Variants in NEGR1 observed in about 807,000 individuals in gnomAD.
NEGR1 encodes the protein IgLON family member 4.
NEGR1 carries 10 observed loss-of-function variants against 40.9 expected under a neutral mutation model. The observed-to-expected ratio is 0.24, with a 90% CI of 0.15 to 0.42. The LOEUF is 0.42. Among genes scored for constraint, NEGR1 ranks in the 10% least tolerant of loss-of-function variants. NEGR1 has a pLI of 1.00. For missense variants in NEGR1, 352 were observed against 438.9 expected, an observed-to-expected ratio of 0.80 and a Z score of 1.77; for synonymous variants, 185 against 166.8, an observed-to-expected ratio of 1.11 and a Z score of -0.84.
chr1:71,691,444 T>C (rs1488045245), intron 4 of NEGR1, among the ~76,000 whole-genome samples: 11 of 151,866 alleles, frequency 7.2e-5, no homozygotes, highest in Admixed American at 5.9e-4. Context: ...TTTTAGGAAG[T>C]TTCCTTCATA....
chr1:72,071,785 C>T (rs1183032359), intron 1 of NEGR1, among the ~76,000 whole-genome samples: 1 of 152,018 alleles, frequency 6.6e-6, no homozygotes. Flanking sequence ...AAACCCTAAC[C>T]TTTTTTCTAT....
chr1:71,981,766 T>C (rs1288953502), intron 1 of NEGR1, among the ~76,000 whole-genome samples: 1 of 152,102 alleles, frequency 6.6e-6, no homozygotes. Flanking sequence ...GCCCCAGCCT[T>C]ACCAGTAACT....
rs12076834 is a variant in NEGR1, at chr1:72,041,825, C to T, written c.177-106514G>A. Among the ~76,000 whole-genome samples the T allele has an allele frequency of 5.3e-3, 763 of 144,302 alleles. 5 individuals carry two copies. The highest frequency in any genetic ancestry group is 0.018 in the African/African-American group (726 of 39,610). The allele number at this position is 144,302 out of a possible 152,430, so 94.7% of individuals were successfully genotyped here. A position where few individuals can be genotyped will look rare whatever the true frequency, so the allele number is the denominator to read the frequency against. ...ATATATATGTAATATTTAAAATATA[C>T]ATTATATATATTTTATATATATTAT... On this transcript the variant is annotated intron_variant, in intron 1 of 6. Transcript: ENST00000357731.
At chr1:72,006,865 C>T (rs1646612067) in intron 1 of NEGR1, among the ~76,000 whole-genome samples, 1 of 152,146 alleles carries the variant, frequency 6.6e-6, no homozygotes, top group Non-Finnish European at 1.5e-5. Context: ...TTACCTTTCT[C>T]ACAGAGCACA....
intron 1 of NEGR1, among the ~76,000 whole-genome samples, chr1:72,163,102 G>C (rs1240211185): frequency 6.6e-6 from 1 of 152,006 alleles, no homozygotes; most frequent in Non-Finnish European, 1.5e-5. Flanking sequence ...TCTTGGAAAA[G>C]GGATTATAAA....
At chr1:71,569,786 G>A (rs1648750947) in intron 6 of NEGR1, among the ~76,000 whole-genome samples, 1 of 152,130 alleles carries the variant, frequency 6.6e-6, no homozygotes, top group Admixed American at 6.5e-5. Flanking sequence ...AAGTCATTGA[G>A]GGATTCTCTT....
At chr1:72,013,884 T>C (rs1390266722) in intron 1 of NEGR1, among the ~76,000 whole-genome samples, 1 of 143,708 alleles carries the variant, frequency 7.0e-6, no homozygotes. Flanking sequence ...GTATGATTAA[T>C]AGGTAGGTGT....
chr1:72,064,403 C>T (rs939232740), intron 1 of NEGR1, among the ~76,000 whole-genome samples: 3 of 151,968 alleles, frequency 2.0e-5, no homozygotes, highest in African/African-American at 7.2e-5. Flanking sequence ...TTTGTTAGTG[C>T]ACCAATAACT....
intron 3 of NEGR1, among the ~76,000 whole-genome samples, chr1:71,715,266 A>T (rs563515115): frequency 6.6e-6 from 1 of 152,238 alleles, no homozygotes; most frequent in Non-Finnish European, 1.5e-5. Flanking sequence ...AACCCAGGAA[A>T]TCCTTCTTTT....
Position 71,953,341 on chromosome 1 carries a change from CTAGA to C in NEGR1, c.177-18034_177-18031del, listed in dbSNP as rs1391842749. On this transcript the variant is annotated intron_variant, in intron 1 of 6. Transcript: ENST00000357731. The stretch of plus-strand genomic sequence containing the variant: ...GGTGGAAATAGTAAGACAACTATAA[CTAGA>C]AGTGGAGCCTGAAGATGTGCCTGAA... Among the ~76,000 whole-genome samples, 724 of 151,938 alleles carry C rather than the reference CTAGA, an allele frequency of 4.8e-3. 6 individuals are homozygous for C. Among genetic ancestry groups the C allele is most frequent in the African/African-American group, 0.016 (660 of 41,496 alleles).
At chr1:72,218,296 T>C (rs1187133212) in intron 1 of NEGR1, among the ~76,000 whole-genome samples, 1 of 151,922 alleles carries the variant, frequency 6.6e-6, no homozygotes, top group Non-Finnish European at 1.5e-5. Context: ...GGGTCTAAAA[T>C]TAAGTTCCAA....
intron 1 of NEGR1, among the ~76,000 whole-genome samples, chr1:72,039,962 G>A (rs890352862): frequency 6.6e-6 from 1 of 151,966 alleles, no homozygotes; most frequent in African/African-American, 2.4e-5. Flanking sequence ...ATATTCTGAA[G>A]TGAAGGAAAA....
At position 71,628,366 on chromosome 1, in the gene NEGR1, A is replaced by C. The variant is rs375120439; in HGVS notation, c.668-17220T>G. Among the ~76,000 whole-genome samples, 10 of 152,080 alleles carry C rather than the reference A, an allele frequency of 6.6e-5. No individual in the cohort carries two copies. In the East Asian group the frequency reaches 1.4e-3, roughly 21 times the overall value. On this transcript the variant is annotated intron_variant, in intron 4 of 6. Transcript: ENST00000357731. ...AATGAACACAATAAATGAATGCATTATGTCCATAAAATATTACAGTTTTAT... is the reference window on the plus strand; with the variant it reads ...AATGAACACAATAAATGAATGCATTCTGTCCATAAAATATTACAGTTTTAT...
chr1:72,267,971 A>C (rs1419814912), intron 1 of NEGR1, among the ~76,000 whole-genome samples: 2 of 151,266 alleles, frequency 1.3e-5, no homozygotes, highest in African/African-American at 4.8e-5. Flanking sequence ...AGTATGAAAG[A>C]AAAGCATCCC....
At chr1:71,678,026 T>C (rs1652704073) in intron 4 of NEGR1, among the ~76,000 whole-genome samples, 1 of 151,258 alleles carries the variant, frequency 6.6e-6, no homozygotes, top group East Asian at 2.0e-4. Flanking sequence ...CAGATTCCAT[T>C]ACTTTATTTT....
chr1:71,817,882 T>G (rs1658284659), intron 2 of NEGR1, among the ~76,000 whole-genome samples: 1 of 152,174 alleles, frequency 6.6e-6, no homozygotes, highest in Non-Finnish European at 1.5e-5. Context: ...TATTGTGTTT[T>G]TGAAATGCAG....
rs145684104 is a variant in NEGR1, at chr1:72,243,673, C to T, written c.176+38646G>A. ...AAAAACAAAAACTACAAATTGATTA[C>T]AATTATAACAAATTATAAAACCAAA... On this transcript the variant is annotated intron_variant, in intron 1 of 6. Transcript: ENST00000357731. Among the ~76,000 whole-genome samples the T allele has an allele frequency of 3.2e-3, 478 of 151,736 alleles. 3 individuals carry two copies. The highest frequency in any genetic ancestry group is 0.011 in the African/African-American group (442 of 41,470).
intron 1 of NEGR1, among the ~76,000 whole-genome samples, chr1:71,971,947 C>T (rs537706887): frequency 4.6e-5 from 7 of 152,192 alleles, no homozygotes; most frequent in Non-Finnish European, 8.8e-5. Flanking sequence ...AAGGTACTCA[C>T]ATTTCAATAT....
chr1:72,209,633 C>G (rs1653527787), intron 1 of NEGR1, among the ~76,000 whole-genome samples: 1 of 151,776 alleles, frequency 6.6e-6, no homozygotes, highest in Non-Finnish European at 1.5e-5. Flanking sequence ...TATGACATTT[C>G]TATGATAATT....
Sources: gnomAD v4.1 joint callset for allele counts (sites outside exome capture counted in the v4.1 genomes callset) on GRCh38, gnomAD v4.1.1 for gene constraint, MANE v1.5 for transcripts, NCBI Gene and HGNC (gene_info 2026-07-23, HGNC 2026-07-21) for gene names.